Variants in KCNT2 observed in about 807,000 individuals in gnomAD.
KCNT2 encodes the protein potassium channel subfamily T member 2.
KCNT2 carries 67 observed loss-of-function variants against 153.8 expected under a neutral mutation model. That is an observed-to-expected ratio of 0.44 (90% CI 0.36 to 0.53). The LOEUF (loss-of-function observed/expected upper bound fraction) is 0.53. Among genes scored for constraint, KCNT2 ranks in the 20% least tolerant of loss-of-function variants. The pLI, the probability that KCNT2 is intolerant of heterozygous loss-of-function variation, is 0.00. For synonymous variants in KCNT2, 500 were observed against 458.8 expected, an observed-to-expected ratio of 1.09 and a Z score of -1.15; for missense variants, 975 against 1,354.8, an observed-to-expected ratio of 0.72 and a Z score of 4.40.
intron 5 of KCNT2, among the ~76,000 whole-genome samples, chr1:196,472,562 A>T (rs1455342711): frequency 1.3e-5 from 2 of 152,146 alleles, no homozygotes; most frequent in Non-Finnish European, 2.9e-5. Flanking sequence ...TGAGATTCTG[A>T]CTCAGATCAA....
chr1:196,399,089 C>CTG (rs1181447630), intron 12 of KCNT2, among the ~76,000 whole-genome samples: 1 of 99,768 alleles, frequency 1.0e-5, no homozygotes, highest in Non-Finnish European at 2.3e-5. Context: ...TAATTTTGAC[C>CTG]TGTGTGTATG....
chr1:196,365,650 T>C (rs923940442), intron 14 of KCNT2, among the ~76,000 whole-genome samples: 2 of 152,208 alleles, frequency 1.3e-5, no homozygotes, highest in Non-Finnish European at 2.9e-5. Flanking sequence ...TATTCTCTTA[T>C]AGTCATGAAA....
intron 19 of KCNT2, among the ~76,000 whole-genome samples, chr1:196,320,250 T>C (rs1451260307): frequency 6.6e-6 from 1 of 151,864 alleles, no homozygotes; most frequent in Non-Finnish European, 1.5e-5. Flanking sequence ...TAATCTATTG[T>C]ATTCATTTCA....
chr1:196,433,820 A>ATT (rs950047539), intron 8 of KCNT2, among the ~76,000 whole-genome samples: 51 of 151,896 alleles, frequency 3.4e-4, no homozygotes, highest in African/African-American at 6.5e-4. Flanking sequence ...ATATATATAT[A>ATT]TTGGTACAGT....
At chr1:196,258,148 C>T in intron 26 of KCNT2, 46 bp downstream of exon 26, 2 of 1,573,328 alleles carry the variant, frequency 1.3e-6, no homozygotes. Flanking sequence ...CTACTAATGG[C>T]AAGAAATCAC....
chr1:196,501,626 C>T (rs1680704312), intron 1 of KCNT2, among the ~76,000 whole-genome samples: 1 of 152,090 alleles, frequency 6.6e-6, no homozygotes, highest in African/African-American at 2.4e-5. Context: ...AGGATTGAAA[C>T]ATTATCTAAT....
chr1:196,319,060 T>G lies in KCNT2; in HGVS notation c.2348+424A>C, dbSNP rs141331949. On this transcript the variant is annotated intron_variant, in intron 20 of 27. Transcript: ENST00000294725. ...ACTCTGACATGTGACCAAAGTAAAC[T>G]CTAAAGGAATTGCTCCAATTTATAA... is the stretch of plus-strand genomic sequence containing the variant. 4.6e-3 allele frequency among the ~76,000 whole-genome samples: 692 copies of G among 151,918 alleles called. 4 individuals carry two copies. The highest frequency in any genetic ancestry group is 0.015 in the African/African-American group (627 of 41,528).
intron 19 of KCNT2, among the ~76,000 whole-genome samples, chr1:196,326,235 T>C (rs2148069487): frequency 6.6e-6 from 1 of 152,278 alleles, no homozygotes; most frequent in South Asian, 2.1e-4. Context: ...ACTTCTATTA[T>C]GTCATAGAAT....
chr1:196,485,359 T>C (rs1306372887), intron 3 of KCNT2, among the ~76,000 whole-genome samples: 1 of 152,028 alleles, frequency 6.6e-6, no homozygotes, highest in African/African-American at 2.4e-5. Context: ...TTAAGACTTT[T>C]ACACTGCCAG....
At chr1:196,356,581 AAT>A (rs1412222216) in intron 14 of KCNT2, among the ~76,000 whole-genome samples, 23 of 151,856 alleles carry the variant, frequency 1.5e-4, no homozygotes, top group African/African-American at 5.6e-4. Flanking sequence ...ATCTCTTAAT[AAT>A]ATGTTACCAC....
In KCNT2 at chr1:196,404,104, A is replaced by G. The variant is rs947218772; in HGVS notation, c.1186-5433T>C. On this transcript the variant is annotated intron_variant, in intron 12 of 27. Coordinates refer to ENST00000294725, the MANE Select transcript of KCNT2 (RefSeq NM_198503.5). Reference sequence around the variant, plus strand: ...CCAAAAGAAAATACTAATAGATACTAAATCTTCAGCTTCTCTGTCTCACTT... The same window carrying G: ...CCAAAAGAAAATACTAATAGATACTGAATCTTCAGCTTCTCTGTCTCACTT... 8 of 950,052 alleles carry G rather than the reference A, an allele frequency of 8.4e-6. No homozygotes were observed. In the African/African-American group the frequency reaches 1.4e-4, roughly 17 times the overall value. The allele number at this position is 950,052 out of a possible 1,614,324, so 58.9% of individuals were successfully genotyped here.
At chr1:196,576,455 T>A (rs1558097064) in intron 1 of KCNT2, among the ~76,000 whole-genome samples, 1 of 152,138 alleles carries the variant, frequency 6.6e-6, no homozygotes. Context: ...TTGTTGGGAA[T>A]ACCATAGCAT....
chr1:196,464,527 T>G (rs1444131622), intron 8 of KCNT2, among the ~76,000 whole-genome samples: 1 of 151,894 alleles, frequency 6.6e-6, no homozygotes, highest in Non-Finnish European at 1.5e-5. Flanking sequence ...CATTTTTCCT[T>G]TTTTAGTACT....
intron 1 of KCNT2, among the ~76,000 whole-genome samples, chr1:196,533,977 G>T (rs1210563089): frequency 1.3e-5 from 2 of 151,840 alleles, no homozygotes; most frequent in Non-Finnish European, 2.9e-5. Flanking sequence ...CAGCTCCAAA[G>T]GTAATCTGAT....
At chr1:196,235,359 A>G (rs1012485841) in intron 27 of KCNT2, among the ~76,000 whole-genome samples, 5 of 151,442 alleles carry the variant, frequency 3.3e-5, no homozygotes, top group Admixed American at 2.6e-4. Flanking sequence ...GTCTCCTTCT[A>G]TTAATTCAGA....
intron 14 of KCNT2, among the ~76,000 whole-genome samples, chr1:196,370,920 A>T (rs940040948): frequency 6.6e-6 from 1 of 152,124 alleles, no homozygotes; most frequent in Admixed American, 6.6e-5. Context: ...CTTGAAAAAC[A>T]TTATGTACAA....
chr1:196,428,081 G>A, intron 10 of KCNT2, 24 bp downstream of exon 10: 1 of 1,588,222 alleles, frequency 6.3e-7, no homozygotes. Context: ...ATCCAGTATA[G>A]CACATAATAT....
rs1673351603 is a variant in KCNT2, at chr1:196,423,130, A to T, written c.1122-17T>A. ...TCATCCATCCTAAATACAGATGGAA[A>T]AACAAAATAATCACACACTGAAATA... On this transcript the variant is annotated splice_polypyrimidine_tract_variant and intron_variant, in intron 11 of 27. Coordinates refer to ENST00000294725, the MANE Select transcript of KCNT2 (RefSeq NM_198503.5). 6.5e-7 allele frequency: 1 copy of T among 1,548,318 alleles called. No individual in the cohort carries two copies. Among genetic ancestry groups the T allele is most frequent in the Non-Finnish European group, 8.8e-7 (1 of 1,130,114 alleles).
chr1:196,389,893 G>A (rs1056253450), intron 13 of KCNT2, among the ~76,000 whole-genome samples: 1 of 151,554 alleles, frequency 6.6e-6, no homozygotes, highest in East Asian at 1.9e-4. Context: ...GATCGCCAAG[G>A]TCATTCTACT....
Sources: gnomAD v4.1 joint callset for allele counts (sites outside exome capture counted in the v4.1 genomes callset) on GRCh38, gnomAD v4.1.1 for gene constraint, MANE v1.5 for transcripts, NCBI Gene and HGNC (gene_info 2026-07-23, HGNC 2026-07-21) for gene names.